Variants in SIPA1L2 observed in about 807,000 individuals in gnomAD.
The protein encoded by SIPA1L2 is signal induced proliferation associated 1 like 2, also known as signal-induced proliferation-associated 1-like protein 2.
Under a neutral mutation model 163.9 loss-of-function variants are expected in SIPA1L2, and 56 were observed. That is an observed-to-expected ratio of 0.34 (90% CI 0.28 to 0.43). SIPA1L2 has a LOEUF of 0.43. SIPA1L2 is among the 20% of genes least tolerant of loss of function. SIPA1L2 has a pLI of 1.00. For missense variants in SIPA1L2, 1,974 were observed against 2,193.5 expected (o/e 0.90, Z 2.00); for synonymous variants, 877 against 865.7 (o/e 1.01, Z -0.23).
chr1:232,596,750 T>C (rs1661273856), intron 1 of SIPA1L2, among the ~76,000 whole-genome samples: 2 of 152,226 alleles, frequency 1.3e-5, no homozygotes, highest in Admixed American at 6.5e-5. Flanking sequence ...AAGAAGAGTT[T>C]TTGAGAAGCC....
At chr1:232,490,558 G>A in intron 5 of SIPA1L2, 1 of 253,380 alleles carries the variant, frequency 3.9e-6, no homozygotes, top group Non-Finnish European at 7.6e-6. Flanking sequence ...AGGGCCATAA[G>A]AGATTTTTAA....
intron 2 of SIPA1L2, among the ~76,000 whole-genome samples, chr1:232,568,489 T>G (rs1659530837): frequency 6.6e-6 from 1 of 152,182 alleles, no homozygotes; most frequent in Non-Finnish European, 1.5e-5. Context: ...TTCACTCTCA[T>G]AGACCTATTG....
At chr1:232,402,689 G>A in intron 21 of SIPA1L2, 1 of 382,966 alleles carries the variant, frequency 2.6e-6, no homozygotes, top group South Asian at 3.8e-5. Context: ...AAACTCTATA[G>A]ATATACGAGT....
rs1197401571 is a variant in SIPA1L2, at chr1:232,514,530, C to G, written c.810G>C (p.Met270Ile). The G allele has an allele frequency of 6.2e-7, 1 of 1,614,034 alleles. No individual in the cohort carries two copies. The highest frequency in any genetic ancestry group is 8.5e-7 in the Non-Finnish European group (1 of 1,180,024). ...TGAAAGGCTTGTCCCTGTCTCTCCCCATCAGGAGGGCACTGTCCACATAAT... is the reference window on the plus strand; with the variant it reads ...TGAAAGGCTTGTCCCTGTCTCTCCCGATCAGGAGGGCACTGTCCACATAAT... ...GLDYVDSALL[M>I]GRDRDKPFKR... The change falls in exon 3 of 23, where the codon ATG becomes ATC. Residue 270 changes from methionine (M) to isoleucine (I), a missense_variant. Around this residue, in one of 3 missense-constraint regions of SIPA1L2, gnomAD observed 607 missense variants for 624.0 expected, o/e 0.97. Transcript: ENST00000674635.
Position 232,465,136 on chromosome 1 carries a change from T to G in SIPA1L2, c.2524A>C (p.Lys842Gln). The change falls in exon 9 of 23, where the codon AAG becomes CAG. Residue 842 changes from lysine (K) to glutamine (Q), a missense_variant. By Grantham distance (53) the Lys-to-Gln change is moderately conservative. Coordinates refer to ENST00000674635, the MANE Select transcript of SIPA1L2 (RefSeq NM_020808.5). This position sits in a 1 kb window ranked among gnomAD's most constrained non-coding sequence, Gnocchi z 4.1. ...AACAAGTGGGCATCCTTCCTTGGCT[T>G]TACCTTCTCCTTTTTCTTCGCACCC... ...TLGAKKKEKVKPRKDAHLFSI... is the reference protein window; with the variant it reads ...TLGAKKKEKVQPRKDAHLFSI... 6.2e-7 allele frequency: 1 copy of G among 1,614,166 alleles called. No homozygotes were observed. Among genetic ancestry groups the G allele is most frequent in the Non-Finnish European group, 8.5e-7 (1 of 1,180,034 alleles).
At chr1:232,442,229 A>T (rs1662944936) in intron 12 of SIPA1L2, among the ~76,000 whole-genome samples, 2 of 151,114 alleles carry the variant, frequency 1.3e-5, no homozygotes, top group African/African-American at 4.9e-5. Context: ...TGGCACTGAC[A>T]TCTCTTTATA....
intron 2 of SIPA1L2, among the ~76,000 whole-genome samples, chr1:232,572,654 G>C (rs6673101): frequency 0.4 from 56,774 of 141,848 alleles, 12,504 homozygotes; most frequent in African/African-American, 0.59. Context: ...AATGTTTATC[G>C]TCAAATACAT....
At chr1:232,572,332 G>A (rs911728431) in intron 2 of SIPA1L2, among the ~76,000 whole-genome samples, 5 of 152,176 alleles carry the variant, frequency 3.3e-5, no homozygotes, top group Admixed American at 6.5e-5. Context: ...TTAAACCTAG[G>A]TGGGAAGCAC....
chr1:232,425,454 A>G, intron 18 of SIPA1L2, 135 bp downstream of exon 18: 1 of 632,132 alleles, frequency 1.6e-6, no homozygotes, highest in Non-Finnish European at 2.4e-6. Flanking sequence ...ATTATTTAAA[A>G]CACCAAATAA....
intron 7 of SIPA1L2, among the ~76,000 whole-genome samples, chr1:232,474,030 T>C (rs1027394574): frequency 6.6e-6 from 1 of 152,216 alleles, no homozygotes; most frequent in African/African-American, 2.4e-5. Context: ...ATTTAGTTTA[T>C]GCTTTTTTCT....
chr1:232,556,200 G>C (rs920288864), intron 2 of SIPA1L2, among the ~76,000 whole-genome samples: 2 of 152,202 alleles, frequency 1.3e-5, no homozygotes, highest in African/African-American at 4.8e-5. Flanking sequence ...ACTTACAGAG[G>C]AATGAACTGA....
At chr1:232,469,080 C>A (rs1664671123) in intron 8 of SIPA1L2, among the ~76,000 whole-genome samples, 1 of 152,184 alleles carries the variant, frequency 6.6e-6, no homozygotes, top group Non-Finnish European at 1.5e-5. Flanking sequence ...GTACACCTGA[C>A]AGGCTGCACG....
intron 2 of SIPA1L2, among the ~76,000 whole-genome samples, chr1:232,537,033 C>T (rs1037361372): frequency 3.3e-5 from 5 of 152,086 alleles, no homozygotes; most frequent in Middle Eastern, 3.2e-3. Context: ...CTCAGGAATT[C>T]GAGACCAGCC....
At chr1:232,581,667 C>T (rs1215273166) in intron 1 of SIPA1L2, among the ~76,000 whole-genome samples, 2 of 152,088 alleles carry the variant, frequency 1.3e-5, no homozygotes, top group Non-Finnish European at 2.9e-5. Context: ...CTCAAAATAA[C>T]CTTCAAATAA....
At chr1:232,457,248 G>T (rs1663971706) in intron 10 of SIPA1L2, among the ~76,000 whole-genome samples, 1 of 152,178 alleles carries the variant, frequency 6.6e-6, no homozygotes, top group South Asian at 2.1e-4. Context: ...AAGAAAAACT[G>T]TCTATTAAAT....
At chr1:232,426,962 G>T (rs538772250) in intron 17 of SIPA1L2, among the ~76,000 whole-genome samples, 1 of 152,322 alleles carries the variant, frequency 6.6e-6, no homozygotes, top group South Asian at 2.1e-4. Flanking sequence ...TATGAATGTA[G>T]CAGTAAGTCT....
intron 22 of SIPA1L2, among the ~76,000 whole-genome samples, chr1:232,400,352 C>A (rs1660261780): frequency 6.6e-6 from 1 of 152,154 alleles, no homozygotes; most frequent in Non-Finnish European, 1.5e-5. Flanking sequence ...CCCTGCAAAC[C>A]TTTTATTGTG....
chr1:232,572,809 A>G (rs1467242208), intron 2 of SIPA1L2, among the ~76,000 whole-genome samples: 1 of 144,348 alleles, frequency 6.9e-6, no homozygotes, highest in Non-Finnish European at 1.5e-5. Context: ...CTTGAGACAA[A>G]GTCTAGCTGC....
At chr1:232,510,647 A>G (rs1405955737) in intron 3 of SIPA1L2, among the ~76,000 whole-genome samples, 2 of 152,222 alleles carry the variant, frequency 1.3e-5, no homozygotes, top group Non-Finnish European at 2.9e-5. Flanking sequence ...AAAACTACCA[A>G]GAAGTGACAG....
Sources: allele counts gnomAD v4.1 joint callset (sites outside exome capture counted in the v4.1 genomes callset), GRCh38; gene constraint gnomAD v4.1.1; regional missense constraint gnomAD v4.1.1; non-coding constraint Gnocchi (gnomAD v3.1); transcripts MANE v1.5; gene names NCBI Gene and HGNC (gene_info 2026-07-23, HGNC 2026-07-21).